Variants in ARFGEF1 observed in about 807,000 individuals in gnomAD.
ARFGEF1 encodes brefeldin A-inhibited guanine nucleotide-exchange protein 1.
Under a neutral mutation model 231.0 loss-of-function variants are expected in ARFGEF1, and 42 were observed. The observed-to-expected ratio is 0.18, with a 90% CI of 0.14 to 0.24. The LOEUF is 0.24. Among genes scored for constraint, ARFGEF1 ranks in the 10% least tolerant of loss-of-function variants. The pLI is 1.00. For missense variants in ARFGEF1, 1,345 were observed against 2,192.0 expected (o/e 0.61, Z 7.72); for synonymous variants, 710 against 732.3 (o/e 0.97, Z 0.49).
chr8:67,298,116 T>G (rs1360629657), intron 4 of ARFGEF1, among the ~76,000 whole-genome samples: 1 of 152,110 alleles, frequency 6.6e-6, no homozygotes, highest in Non-Finnish European at 1.5e-5. Context: ...TTTTTTTTTT[T>G]TTAGAATAAA....
chr8:67,252,282 CAAAAAAA>C (rs57653248), intron 18 of ARFGEF1, among the ~76,000 whole-genome samples: 4 of 21,872 alleles, frequency 1.8e-4, no homozygotes, highest in African/African-American at 5.2e-4. Context: ...AACTCCATCT[CAAAAAAA>C]AAAAAAAAAA....
rs2128894054 is a variant in ARFGEF1, at chr8:67,266,907, C to T, written c.1890G>A (p.Gln630=). The T allele has an allele frequency of 6.2e-7, 1 of 1,613,278 alleles. No individual in the cohort carries two copies. Among genetic ancestry groups the T allele is most frequent in the Non-Finnish European group, 8.5e-7 (1 of 1,179,540 alleles). ...LKCMVEWSKD[Q]YVNPNSQTTL... ...TTGTCTGGGAGTTGGGATTCACATA[C>T]TGATCCTTACTCCATTCAACCATAC... The change falls in exon 13 of 39, where the codon CAG becomes CAA. Residue 630 remains glutamine, a synonymous_variant. Coordinates refer to ENST00000262215, the MANE Select transcript of ARFGEF1 (RefSeq NM_006421.5).
At chr8:67,241,492 C>T (rs1461076221) in intron 19 of ARFGEF1, among the ~76,000 whole-genome samples, 1 of 152,096 alleles carries the variant, frequency 6.6e-6, no homozygotes, top group Non-Finnish European at 1.5e-5. Context: ...AAATGTTTAA[C>T]TCCTTTAGGA....
intron 19 of ARFGEF1, among the ~76,000 whole-genome samples, chr8:67,240,822 T>C (rs1280912487): frequency 1.3e-5 from 2 of 152,170 alleles, no homozygotes; most frequent in Non-Finnish European, 2.9e-5. Context: ...TAAAAAGTAG[T>C]TAAATAAAAT....
intron 6 of ARFGEF1, 65 bp from the exon 7 acceptor site, chr8:67,288,130 T>G: frequency 1.9e-6 from 2 of 1,047,712 alleles, no homozygotes; most frequent in Non-Finnish European, 2.7e-6. Flanking sequence ...TACTAAACAT[T>G]TATGATGAAA....
intron 14 of ARFGEF1, among the ~76,000 whole-genome samples, chr8:67,261,354 C>T (rs1804613567): frequency 6.6e-6 from 1 of 152,268 alleles, no homozygotes; most frequent in African/African-American, 2.4e-5. Flanking sequence ...ATGATATTAA[C>T]TTGAAGCCAA....
chr8:67,288,006 G>C lies in ARFGEF1; in HGVS notation c.976C>G (p.Gln326Glu). 1 of 1,608,750 alleles carries C rather than the reference G, an allele frequency of 6.2e-7. No homozygotes were observed. Among genetic ancestry groups the C allele is most frequent in the Non-Finnish European group, 8.5e-7 (1 of 1,178,330 alleles). The change falls in exon 7 of 39, where the codon CAA becomes GAA. Residue 326 changes from glutamine to glutamate, a missense_variant. Coordinates refer to ENST00000262215, the MANE Select transcript of ARFGEF1 (RefSeq NM_006421.5). ...TCTACAATGTTCTGTACAATGTCTT[G>C]TGGCTTTTCCTCACAATCATGGTTT... ...GENHDCEEKP[Q>E]DIVQNIVEEM...
chr8:67,275,558 G>A (rs1350588480), intron 9 of ARFGEF1, among the ~76,000 whole-genome samples: 1 of 151,944 alleles, frequency 6.6e-6, no homozygotes, highest in African/African-American at 2.4e-5. Context: ...GAAACCTAGG[G>A]CTGGGATACA....
rs1476791589 is a variant in ARFGEF1, at chr8:67,190,499, T to TA, written c.560+9896dup. On this transcript the variant is annotated intron_variant, in intron 5 of 5. Transcript: ENST00000518789. ...TGATTGTACAACTCTGTAAATTTAC[T>TA]AAAAAAATCACCGAACTGTGTATGT... The TA allele has an allele frequency of 6.9e-5, 43 of 622,048 alleles. No individual in the cohort carries two copies. In the Admixed American group the frequency reaches 9.9e-4, roughly 14 times the overall value. 38.5% of individuals were successfully genotyped at this position (622,048 alleles called of 1,614,324 possible).
downstream of ARFGEF1, chr8:67,195,807 A>T (rs1292856637): frequency 5.8e-6 from 3 of 513,948 alleles, no homozygotes; most frequent in African/African-American, 5.8e-5. Flanking sequence ...TTATTTTTGC[A>T]CAGTTTTGTC....
intron 18 of ARFGEF1, among the ~76,000 whole-genome samples, 184 bp downstream of exon 18, chr8:67,253,267 A>C (rs1364373266): frequency 6.6e-6 from 1 of 152,196 alleles, no homozygotes; most frequent in East Asian, 1.9e-4. Flanking sequence ...TAGAGACAAG[A>C]ACCTTGCTAT....
chr8:67,309,001 G>A (rs1226651057), intron 1 of ARFGEF1, among the ~76,000 whole-genome samples: 2 of 152,174 alleles, frequency 1.3e-5, no homozygotes, highest in East Asian at 3.9e-4. Context: ...GGCAACCTAG[G>A]TGTCCATCAT....
chr8:67,193,682 T>A (rs1461496475), downstream of ARFGEF1: 7 of 1,255,138 alleles, frequency 5.6e-6, no homozygotes, highest in Non-Finnish European at 6.8e-6. Context: ...TTCACTAACG[T>A]CTGAGGGATA....
At chr8:67,320,617 A>G (rs1346492738) in intron 1 of ARFGEF1, among the ~76,000 whole-genome samples, 1 of 152,230 alleles carries the variant, frequency 6.6e-6, no homozygotes, top group African/African-American at 2.4e-5. Flanking sequence ...ATGCCCTTCA[A>G]TGAGTGTTAA....
At chr8:67,249,423 C>T (rs115830898) in intron 19 of ARFGEF1, among the ~76,000 whole-genome samples, 2,632 of 150,008 alleles carry the variant, frequency 0.018, 282 homozygotes, top group African/African-American at 0.063. Context: ...ACTTAAACAA[C>T]GGGTTTATTG....
chr8:67,334,618 T>TA (rs1421298015), intron 1 of ARFGEF1, among the ~76,000 whole-genome samples: 2 of 152,210 alleles, frequency 1.3e-5, no homozygotes, highest in Non-Finnish European at 2.9e-5. Context: ...CACAAAGACT[T>TA]ATACACAAAT....
chr8:67,200,066 T>C, intron 38 of ARFGEF1: 1 of 366,778 alleles, frequency 2.7e-6, no homozygotes, highest in South Asian at 2.0e-5. Context: ...GGCCATGAGG[T>C]GGTTGGACAG....
intron 14 of ARFGEF1, 98 bp downstream of exon 14, chr8:67,265,908 C>T (rs966097311): frequency 9.5e-7 from 1 of 1,051,602 alleles, no homozygotes; most frequent in Non-Finnish European, 1.4e-6. Context: ...AACTATCCTC[C>T]ATTTTACTCA....
intron 1 of ARFGEF1, among the ~76,000 whole-genome samples, chr8:67,335,588 T>C (rs2128936242): frequency 6.6e-6 from 1 of 152,302 alleles, no homozygotes; most frequent in Admixed American, 6.5e-5. Flanking sequence ...TTTGACTGCT[T>C]ATATTTTTAT....
Sources: allele counts gnomAD v4.1 joint callset (sites outside exome capture counted in the v4.1 genomes callset), GRCh38; gene constraint gnomAD v4.1.1; transcripts MANE v1.5; gene names NCBI Gene and HGNC (gene_info 2026-07-23, HGNC 2026-07-21).